Variants in ZNF202 observed in about 807,000 individuals in gnomAD.
ZNF202 encodes zinc finger protein 202, also known as zinc finger protein with KRAB and SCAN domains 10.
A neutral mutation model predicts 54.5 loss-of-function variants in ZNF202; 22 were observed. That is an observed-to-expected ratio of 0.40 (90% confidence interval 0.29 to 0.58). ZNF202 has a LOEUF of 0.58. ZNF202 is among the 20% of genes least tolerant of loss of function. The pLI, the probability that ZNF202 is intolerant of heterozygous loss-of-function variation, is 0.39. For missense variants in ZNF202, 644 were observed against 805.5 expected, an observed-to-expected ratio of 0.80 and a Z score of 2.43; for synonymous variants, 294 against 301.4, an observed-to-expected ratio of 0.98 and a Z score of 0.26.
At chr11:123,739,003 G>A (rs752921679) in intron 3 of ZNF202, 30 of 152,260 alleles carry the variant, frequency 2.0e-4, no homozygotes, top group African/African-American at 2.7e-4. Context: ...CTGCCCTCGA[G>A]AGCAAGGGTC....
chr11:123,729,575 C>A, intron 5 of ZNF202, 40 bp downstream of exon 5: 1 of 1,490,750 alleles, frequency 6.7e-7, no homozygotes, highest in Non-Finnish European at 8.9e-7. Flanking sequence ...TCCTTGCCTG[C>A]CTTCTGCCAC....
At chr11:123,733,285 A>G (rs1440182780) in intron 3 of ZNF202, among the ~76,000 whole-genome samples, 1 of 152,170 alleles carries the variant, frequency 6.6e-6, no homozygotes, top group Non-Finnish European at 1.5e-5. Context: ...CTTCTAATTC[A>G]TGCTCTTATG....
intron 7 of ZNF202, 26 bp downstream of exon 7, chr11:123,728,107 A>G: frequency 6.3e-7 from 1 of 1,596,636 alleles, no homozygotes; most frequent in Non-Finnish European, 8.5e-7. Flanking sequence ...GGCTTAGAAC[A>G]CTCTAGAATA....
chr11:123,739,134 T>C (rs1861754809), intron 3 of ZNF202, among the ~76,000 whole-genome samples: 1 of 152,180 alleles, frequency 6.6e-6, no homozygotes, highest in East Asian at 1.9e-4. Context: ...CTAGTATATA[T>C]TACAGAAGCA....
Position 123,729,140 on chromosome 11 carries a change from TAAG to T in ZNF202, c.685_687del (p.Leu229del). On this transcript the variant is annotated inframe_deletion, in exon 6 of 9. Coordinates refer to ENST00000530393, the MANE Select transcript of ZNF202 (RefSeq NM_003455.4). The stretch of plus-strand genomic sequence containing the variant: ...CTAGGGCACACCTGTGACAGAGCAG[TAAG>T]AAGAGCAACCATCTCTGAGTCTCCA... 1 of 1,613,944 alleles carries T rather than the reference TAAG, an allele frequency of 6.2e-7. No individual in the cohort carries two copies. Among genetic ancestry groups the T allele is most frequent in the South Asian group, 1.1e-5 (1 of 91,046 alleles).
At chr11:123,739,668 A>G (rs1861780093) in intron 3 of ZNF202, 1 of 152,222 alleles carries the variant, frequency 6.6e-6, no homozygotes, top group African/African-American at 2.4e-5. Context: ...TTCAGACCTA[A>G]GTGATTATCT....
intron 3 of ZNF202, among the ~76,000 whole-genome samples, chr11:123,739,228 A>G (rs1861759389): frequency 6.6e-6 from 1 of 152,212 alleles, no homozygotes; most frequent in South Asian, 2.1e-4. Context: ...TGGCATAAGC[A>G]TTTATTCCAA....
At position 123,730,476 on chromosome 11, in the gene ZNF202, C is replaced by A; in HGVS notation, c.402+11G>T. ...CTCCACATCACACAGATCAGGACTC[C>A]CCCTCCTCACCCACCGCCTTGGTCT... On this transcript the variant is annotated intron_variant, in intron 4 of 8. Coordinates refer to ENST00000530393, the MANE Select transcript of ZNF202 (RefSeq NM_003455.4). This position sits in a 1 kb window ranked among gnomAD's most constrained non-coding sequence, Gnocchi z 6.0. The A allele has an allele frequency of 6.6e-7, 1 of 1,517,558 alleles. No homozygotes were observed. The highest frequency in any genetic ancestry group is 8.8e-7 in the Non-Finnish European group (1 of 1,134,956). The allele number at this position is 1,517,558 out of a possible 1,614,324, so 94.0% of individuals were successfully genotyped here. A position where few individuals can be genotyped will look rare whatever the true frequency, so the allele number is the denominator to read the frequency against.
intron 1 of ZNF202, among the ~76,000 whole-genome samples, chr11:123,741,235 G>A (rs1216211219): frequency 1.3e-5 from 2 of 152,118 alleles, no homozygotes; most frequent in Admixed American, 6.5e-5. Flanking sequence ...GGAGGTACGA[G>A]GTACGGACTA....
rs190588782 is a variant in ZNF202, at chr11:123,731,070, A to G, written c.-97-85T>C. The stretch of plus-strand genomic sequence containing the variant: ...AGCCTGAGTTCAATCATAATCCTCT[A>G]CACAAACTTCTTCAAATGGTTAAAT... On this transcript the variant is annotated intron_variant, in intron 3 of 8. Coordinates refer to ENST00000530393, the MANE Select transcript of ZNF202 (RefSeq NM_003455.4). 26 of 611,936 alleles carry G rather than the reference A, an allele frequency of 4.2e-5. No homozygotes were observed. In the East Asian group the frequency reaches 7.6e-4, roughly 18 times the overall value. 37.9% of individuals were successfully genotyped at this position (611,936 alleles called of 1,614,324 possible).
intron 7 of ZNF202, among the ~76,000 whole-genome samples, chr11:123,727,815 C>A (rs1190909656): frequency 6.6e-6 from 1 of 152,176 alleles, no homozygotes; most frequent in Non-Finnish European, 1.5e-5. Context: ...CCATTGTACA[C>A]CTTATCCTCT....
chr11:123,731,685 A>G (rs1861413061), intron 3 of ZNF202, among the ~76,000 whole-genome samples: 1 of 152,146 alleles, frequency 6.6e-6, no homozygotes, highest in Admixed American at 6.5e-5. Context: ...TAGAAGGGAG[A>G]TAATAATGGT....
chr11:123,732,881 A>T (rs1861470197), intron 3 of ZNF202, among the ~76,000 whole-genome samples: 1 of 152,040 alleles, frequency 6.6e-6, no homozygotes, highest in Non-Finnish European at 1.5e-5. Context: ...CTTCCAAAAA[A>T]TGTCTTTCGA....
chr11:123,728,114 A>T lies in ZNF202; in HGVS notation c.832+19T>A. ...GATCTCTGGGCTTAGAACACTCTAG[A>T]ATACTTGAAATTCCTTACACAGAGA... On this transcript the variant is annotated intron_variant, in intron 7 of 8. Coordinates refer to ENST00000530393, the MANE Select transcript of ZNF202 (RefSeq NM_003455.4). 1 of 1,601,718 alleles carries T rather than the reference A, an allele frequency of 6.2e-7. No homozygotes were observed. The highest frequency in any genetic ancestry group is 8.5e-7 in the Non-Finnish European group (1 of 1,172,660).
At chr11:123,731,057 A>T in intron 3 of ZNF202, 72 bp from the exon 4 acceptor site, 1 of 700,548 alleles carries the variant, frequency 1.4e-6, no homozygotes, top group African/African-American at 1.8e-5. Context: ...CCTGAGTTCA[A>T]TCATAATCCT....
At chr11:123,736,822 T>C (rs1861652973) in intron 3 of ZNF202, among the ~76,000 whole-genome samples, 1 of 152,126 alleles carries the variant, frequency 6.6e-6, no homozygotes, top group Admixed American at 6.5e-5. Flanking sequence ...AAGGAGTAAA[T>C]GAAATAACCT....
In ZNF202 at chr11:123,726,125, G is replaced by A; in HGVS notation, c.1819C>T (p.His607Tyr). 6.2e-7 allele frequency: 1 copy of A among 1,614,186 alleles called. No homozygotes were observed. Among genetic ancestry groups the A allele is most frequent in the South Asian group, 1.1e-5 (1 of 91,088 alleles). ...ECGKSFSRRD[H>Y]LVRHQRTHTG... ...TGTGTTCTCTGATGCCTGACGAGGT[G>A]GTCCCTGCGACTGAAGCTCTTCCCA... is the stretch of plus-strand genomic sequence containing the variant. The change falls in exon 9 of 9, where the codon CAC becomes TAC. Residue 607 changes from histidine to tyrosine, a missense_variant. His to Tyr is a moderately conservative substitution (Grantham distance 83). This residue lies in a region of ZNF202 where 536 missense variants were observed against 635.3 expected (regional missense o/e 0.84). Coordinates refer to ENST00000530393, the MANE Select transcript of ZNF202 (RefSeq NM_003455.4). The surrounding 1 kb of genome is among the most constrained non-coding windows in gnomAD (Gnocchi z 6.0).
At chr11:123,739,208 T>C (rs1377697082) in intron 3 of ZNF202, among the ~76,000 whole-genome samples, 1 of 152,228 alleles carries the variant, frequency 6.6e-6, no homozygotes, top group Non-Finnish European at 1.5e-5. Context: ...CAGGGATAGC[T>C]GTAGGAATTT....
intron 3 of ZNF202, chr11:123,739,526 G>T (rs941197612): frequency 1.4e-5 from 2 of 146,406 alleles, no homozygotes; most frequent in Non-Finnish European, 3.0e-5. Context: ...GTAATATTTT[G>T]ATCAAAACGT....
Sources: gnomAD v4.1 joint callset for allele counts (sites outside exome capture counted in the v4.1 genomes callset) on GRCh38, gnomAD v4.1.1 for gene constraint, gnomAD v4.1.1 regional missense constraint, Gnocchi (gnomAD v3.1) non-coding constraint, MANE v1.5 for transcripts, NCBI Gene and HGNC (gene_info 2026-07-23, HGNC 2026-07-21) for gene names.